RAB3C: variants seen among roughly 807,000 people sequenced by gnomAD.
RAB3C encodes RAB3C, member RAS oncogene family.
RAB3C carries 17 observed loss-of-function variants against 26.4 expected under a neutral mutation model. The ratio of observed to expected loss-of-function variants is 0.64; its 90% CI spans 0.44 to 0.97. The LOEUF (loss-of-function observed/expected upper bound fraction) is 0.97, where lower values mean the gene tolerates loss of function less well. Ranked by LOEUF, RAB3C falls within the 50% of genes least tolerant of loss-of-function variation. The pLI is 0.00. For missense variants in RAB3C, 242 were observed against 281.9 expected (o/e 0.86, Z 1.01); for synonymous variants, 91 against 95.9 (o/e 0.95, Z 0.30).
intron 3 of RAB3C, among the ~76,000 whole-genome samples, chr5:58,812,849 C>T (rs1743121330): frequency 6.6e-6 from 1 of 152,154 alleles, no homozygotes; most frequent in East Asian, 1.9e-4. Flanking sequence ...GTTTTGAAAA[C>T]TCTTCCATGA....
At position 58,583,480 on chromosome 5, in the gene RAB3C, C is replaced by CT. The variant is rs563033348; in HGVS notation, c.24+249dup. ...GGCTCTGTAAAGAGGATAAGAGTGT[C>CT]TGTCTAAAATGAAAACCCAAGCAAA... On this transcript the variant is annotated intron_variant, in intron 1 of 4. Transcript: ENST00000282878. Among the ~76,000 whole-genome samples the CT allele has an allele frequency of 3.3e-5, 5 of 152,230 alleles. No individual in the cohort carries two copies. In the East Asian group the frequency reaches 9.7e-4, roughly 29 times the overall value.
At chr5:58,782,885 T>C (rs559269635) in intron 3 of RAB3C, among the ~76,000 whole-genome samples, 1 of 152,252 alleles carries the variant, frequency 6.6e-6, no homozygotes, top group Non-Finnish European at 1.5e-5. Context: ...AGATTTAAAA[T>C]ATGAAGGCTT....
intron 2 of RAB3C, among the ~76,000 whole-genome samples, chr5:58,647,968 T>C (rs1340958573): frequency 1.3e-5 from 2 of 152,164 alleles, no homozygotes; most frequent in Admixed American, 6.5e-5. Context: ...AATAAAAAAA[T>C]GTGACATAGT....
chr5:58,690,868 G>A (rs1187993719), intron 2 of RAB3C, among the ~76,000 whole-genome samples: 1 of 152,054 alleles, frequency 6.6e-6, no homozygotes, highest in Non-Finnish European at 1.5e-5. Context: ...TTTATAATAT[G>A]GTGATATAAC....
intron 4 of RAB3C, among the ~76,000 whole-genome samples, chr5:58,826,218 T>A (rs1274643915): frequency 6.6e-6 from 1 of 150,934 alleles, no homozygotes; most frequent in Non-Finnish European, 1.5e-5. Context: ...GAGGAAGAGA[T>A]GAGTGATGAG....
At chr5:58,618,158 A>C (rs757556964) in intron 2 of RAB3C, among the ~76,000 whole-genome samples, 5 of 152,166 alleles carry the variant, frequency 3.3e-5, no homozygotes, top group Non-Finnish European at 5.9e-5. Flanking sequence ...GGAACACTTT[A>C]AGTCTGGCTT....
chr5:58,729,048 C>T (rs904423661), intron 3 of RAB3C, among the ~76,000 whole-genome samples: 2 of 151,892 alleles, frequency 1.3e-5, no homozygotes, highest in African/African-American at 2.4e-5. Context: ...CTTTTCCTAC[C>T]TGCTCCCACC....
intron 2 of RAB3C, among the ~76,000 whole-genome samples, chr5:58,628,172 A>G (rs1157118722): frequency 6.6e-6 from 1 of 151,306 alleles, no homozygotes; most frequent in African/African-American, 2.4e-5. Flanking sequence ...AAAAAAAAAA[A>G]AAAAAACAGT....
In RAB3C at chr5:58,852,867, C is replaced by G. The variant is rs896455162; in HGVS notation, c.*1516C>G. The G allele has an allele frequency of 1.2e-4, 9 of 72,912 alleles. No homozygotes were observed. The highest frequency in any genetic ancestry group is 5.0e-4 in the Admixed American group (4 of 8,072). 4.5% of individuals were successfully genotyped at this position (72,912 alleles called of 1,614,324 possible). A position where few individuals can be genotyped will look rare whatever the true frequency, so the allele number is the denominator to read the frequency against. On this transcript the variant is annotated 3_prime_UTR_variant, in exon 5 of 5. Coordinates refer to ENST00000282878, the MANE Select transcript of RAB3C (RefSeq NM_138453.4). ...GTGGTTATGTCAAAGAATTTTTTTC[C>G]TCTTCTCAAAAATAGAGAGGCTTCC... is the stretch of plus-strand genomic sequence containing the variant.
chr5:58,603,388 A>C (rs1052617052), intron 1 of RAB3C, among the ~76,000 whole-genome samples: 1 of 152,106 alleles, frequency 6.6e-6, no homozygotes, highest in Non-Finnish European at 1.5e-5. Context: ...AGTTTTCCTC[A>C]ATTATTCCCC....
At chr5:58,780,377 T>C (rs189600453) in intron 3 of RAB3C, among the ~76,000 whole-genome samples, 2 of 152,286 alleles carry the variant, frequency 1.3e-5, no homozygotes, top group East Asian at 3.9e-4. Context: ...TGAAAGATAA[T>C]AGGAGTGGCC....
intron 3 of RAB3C, among the ~76,000 whole-genome samples, chr5:58,743,573 C>T (rs1404830571): frequency 6.6e-6 from 1 of 152,116 alleles, no homozygotes; most frequent in Non-Finnish European, 1.5e-5. Context: ...TGGCCCCCAG[C>T]TCCCGACAGG....
At chr5:58,609,842 G>T (rs1327368790) in intron 1 of RAB3C, among the ~76,000 whole-genome samples, 1 of 152,128 alleles carries the variant, frequency 6.6e-6, no homozygotes, top group Non-Finnish European at 1.5e-5. Context: ...CAGAAGCCAG[G>T]ATTAGGATTT....
At chr5:58,611,172 A>C (rs1561265828) in intron 1 of RAB3C, among the ~76,000 whole-genome samples, 1 of 152,122 alleles carries the variant, frequency 6.6e-6, no homozygotes, top group Non-Finnish European at 1.5e-5. Flanking sequence ...GCTATTGTGA[A>C]TAGGGCGATA....
intron 1 of RAB3C, among the ~76,000 whole-genome samples, chr5:58,598,834 C>T (rs916993669): frequency 2.0e-5 from 3 of 152,052 alleles, no homozygotes; most frequent in Non-Finnish European, 4.4e-5. Context: ...ACCTTTTGCC[C>T]TCTGAAGTTA....
At chr5:58,705,412 C>T (rs750919911) in intron 2 of RAB3C, among the ~76,000 whole-genome samples, 1 of 152,042 alleles carries the variant, frequency 6.6e-6, no homozygotes, top group Non-Finnish European at 1.5e-5. Context: ...TATTAAGTGA[C>T]ATTATTGAAA....
At chr5:58,693,330 A>ATGTATGTATG (rs1554048057) in intron 2 of RAB3C, among the ~76,000 whole-genome samples, 2 of 100,930 alleles carry the variant, frequency 2.0e-5, no homozygotes, top group African/African-American at 8.2e-5. Flanking sequence ...AATTATATAT[A>ATGTATGTATG]TATGTGTATA....
chr5:58,582,505 C>A (rs1745920305), upstream of RAB3C: 1 of 703,850 alleles, frequency 1.4e-6, no homozygotes, highest in Non-Finnish European at 1.7e-6. Context: ...TGACTATGTA[C>A]GCGCGCGCGA....
intron 2 of RAB3C, among the ~76,000 whole-genome samples, chr5:58,713,257 T>G (rs914563501): frequency 6.6e-6 from 1 of 152,184 alleles, no homozygotes; most frequent in Non-Finnish European, 1.5e-5. Flanking sequence ...CAGCTGCTAC[T>G]AGTTGTAGTC....
Sources: allele counts gnomAD v4.1 joint callset (sites outside exome capture counted in the v4.1 genomes callset), GRCh38; gene constraint gnomAD v4.1.1; transcripts MANE v1.5; gene names NCBI Gene and HGNC (gene_info 2026-07-23, HGNC 2026-07-21).